The following AKAP11 variants were observed in gnomAD, a reference collection of about 807,000 sequenced individuals.
The protein encoded by AKAP11 is A-kinase anchor protein 11.
Under a neutral mutation model 146.1 loss-of-function variants are expected in AKAP11, and 36 were observed. The observed-to-expected ratio is 0.25, with a 90% CI of 0.19 to 0.33. AKAP11 has a LOEUF of 0.33. AKAP11 is among the 10% of genes least tolerant of loss of function. AKAP11 has a pLI of 1.00. For missense variants in AKAP11, 2,201 were observed against 2,197.0 expected (o/e 1.00, Z -0.04); for synonymous variants, 780 against 786.5 (o/e 0.99, Z 0.14).
chr13:42,297,099 T>G lies in AKAP11; in HGVS notation c.268T>G (p.Phe90Val). The stretch of plus-strand genomic sequence containing the variant: ...TCCAGATATTCTGAATTCACTCCAC[T>G]TCTGCAGTCTAAATGAAAATGAAAT... ...ELPDILNSLH[F>V]CSLNENEIIC... Residue 90 changes from phenylalanine to valine, a missense_variant, in exon 6 of 13, where the codon TTC becomes GTC. By Grantham distance (50) the Phe-to-Val change is conservative. Coordinates refer to ENST00000025301, the MANE Select transcript of AKAP11 (RefSeq NM_016248.4). 6.3e-7 allele frequency: 1 copy of G among 1,590,736 alleles called. No individual in the cohort carries two copies. Among genetic ancestry groups the G allele is most frequent in the Non-Finnish European group, 8.5e-7 (1 of 1,169,702 alleles).
intron 3 of AKAP11, 23 bp from the exon 4 acceptor site, chr13:42,292,362 T>C (rs1566264690): frequency 1.4e-6 from 2 of 1,401,158 alleles, no homozygotes; most frequent in South Asian, 1.4e-5. Context: ...ATTTGAAATA[T>C]CTTTGCTTTC....
At position 42,303,206 on chromosome 13, in the gene AKAP11, C is replaced by G; in HGVS notation, c.4460C>G (p.Ser1487Cys). The change falls in exon 8 of 13, where the codon TCT (serine) becomes TGT (cysteine). Residue 1487 changes from serine (S) to cysteine (C), a missense_variant. By Grantham distance (112) the Ser-to-Cys change is moderately radical. Transcript: ENST00000025301. ...GGCCTACCAAAATCCTTAACAGATT[C>G]TTGCTTGTTTGAAAAATCTGGATAT... The part of the protein sequence containing the change: ...LVGLPKSLTD[S>C]CLFEKSGYEE... 6.2e-7 allele frequency: 1 copy of G among 1,614,134 alleles called. No individual in the cohort carries two copies. The highest frequency in any genetic ancestry group is 8.5e-7 in the Non-Finnish European group (1 of 1,180,032).
intron 1 of AKAP11, among the ~76,000 whole-genome samples, chr13:42,273,911 T>G (rs1315555008): frequency 6.6e-6 from 1 of 152,230 alleles, no homozygotes; most frequent in Non-Finnish European, 1.5e-5. Context: ...GTAGAGGAAT[T>G]CTGTCTATAC....
chr13:42,299,888 G>T lies in AKAP11; in HGVS notation c.1142G>T (p.Gly381Val), dbSNP rs1315579300. ...CTGTTTAACAAAGATCCCGTCATAG[G>T]GAAGTCATCGCAGAGGAAAGGGCAC... ...TCLFNKDPVI[G>V]KSSQRKGHKH... Residue 381 changes from glycine to valine, a missense_variant, in exon 8 of 13, where the codon GGG becomes GTG. Physicochemically the swap from Gly to Val is moderately radical, Grantham distance 109. Coordinates refer to ENST00000025301, the MANE Select transcript of AKAP11 (RefSeq NM_016248.4). The T allele has an allele frequency of 6.2e-7, 1 of 1,613,896 alleles. No individual in the cohort carries two copies. The highest frequency in any genetic ancestry group is 8.5e-7 in the Non-Finnish European group (1 of 1,179,870).
chr13:42,305,957 C>G (rs1165206541), intron 8 of AKAP11, among the ~76,000 whole-genome samples: 1 of 152,140 alleles, frequency 6.6e-6, no homozygotes, highest in Non-Finnish European at 1.5e-5. Flanking sequence ...ACCATCAGCT[C>G]TCATGAGAAC....
chr13:42,289,494 A>T (rs886247736), intron 3 of AKAP11, among the ~76,000 whole-genome samples: 1 of 152,096 alleles, frequency 6.6e-6, no homozygotes, highest in African/African-American at 2.4e-5. Context: ...AAGTTGCTCA[A>T]ATTTTTCCAA....
chr13:42,309,957 G>A (rs1467563412), intron 9 of AKAP11, among the ~76,000 whole-genome samples: 2 of 152,060 alleles, frequency 1.3e-5, no homozygotes, highest in East Asian at 1.9e-4. Flanking sequence ...AAAAGGAGTC[G>A]TCTTACCGGT....
intron 1 of AKAP11, among the ~76,000 whole-genome samples, chr13:42,276,205 A>G (rs1041279162): frequency 3.9e-5 from 6 of 152,026 alleles, no homozygotes; most frequent in Non-Finnish European, 8.8e-5. Context: ...ACCCCAAGTA[A>G]ATCTCTTAAT....
At chr13:42,290,375 T>G (rs982897252) in intron 3 of AKAP11, among the ~76,000 whole-genome samples, 3 of 152,184 alleles carry the variant, frequency 2.0e-5, no homozygotes, top group Non-Finnish European at 2.9e-5. Context: ...GTGGTTAAGG[T>G]AATAACCACC....
intron 1 of AKAP11, among the ~76,000 whole-genome samples, chr13:42,276,039 C>T (rs549688608): frequency 6.6e-6 from 1 of 152,202 alleles, no homozygotes; most frequent in South Asian, 2.1e-4. Context: ...TTCTGACTGC[C>T]ATTTATTTGT....
At chr13:42,306,295 C>G (rs937727069) in intron 8 of AKAP11, among the ~76,000 whole-genome samples, 5 of 152,148 alleles carry the variant, frequency 3.3e-5, no homozygotes, top group African/African-American at 1.2e-4. Flanking sequence ...ACTTTTTACT[C>G]CTCCTCAGTT....
chr13:42,274,334 A>C (rs949974290), intron 1 of AKAP11, among the ~76,000 whole-genome samples: 86 of 152,136 alleles, frequency 5.7e-4, no homozygotes, highest in African/African-American at 2.0e-3. Flanking sequence ...AACAGCCTGG[A>C]AAGATCCAAG....
At position 42,301,914 on chromosome 13, in the gene AKAP11, G is replaced by A. The variant is rs764511096; in HGVS notation, c.3168G>A (p.Glu1056=). The A allele has an allele frequency of 2.9e-5, 47 of 1,613,984 alleles. No homozygotes were observed. The highest frequency in any genetic ancestry group is 5.1e-6 in the Non-Finnish European group (6 of 1,180,008). ...KKHNLNSTSL[E]ALSFGQENPF... is the part of the protein sequence containing the mutation. Reference sequence around the variant, plus strand: ...ATAACTTGAATAGTACATCACTTGAGGCCTTGTCTTTTGGACAGGAAAACC... The same window carrying A: ...ATAACTTGAATAGTACATCACTTGAAGCCTTGTCTTTTGGACAGGAAAACC... The change falls in exon 8 of 13, where the codon GAG becomes GAA. Residue 1056 remains glutamate, a synonymous_variant. Transcript: ENST00000025301.
chr13:42,317,545 A>G lies in AKAP11; in HGVS notation c.5422A>G (p.Lys1808Glu). 1 of 1,613,582 alleles carries G rather than the reference A, an allele frequency of 6.2e-7. No individual in the cohort carries two copies. Among genetic ancestry groups the G allele is most frequent in the South Asian group, 1.1e-5 (1 of 90,930 alleles). ...DEVEGLGQDGKTLLITNIDME... is the reference protein window; with the variant it reads ...DEVEGLGQDGETLLITNIDME... ...AATATTAGGTTTGGGGCAAGATGGA[A>G]AGACACTGCTAATTACGAATATTGA... The change falls in exon 12 of 13, where the codon AAG becomes GAG. Residue 1808 changes from lysine to glutamate, a missense_variant. Transcript: ENST00000025301.
rs1255401398 is a variant in AKAP11, at chr13:42,321,234, T to C, written c.*2006T>C. 6.6e-6 allele frequency: 1 copy of C among 152,390 alleles called. No individual in the cohort carries two copies. The highest frequency in any genetic ancestry group is 6.5e-5 in the Admixed American group (1 of 15,280). 9.4% of individuals were successfully genotyped at this position (152,390 alleles called of 1,614,324 possible). A position where few individuals can be genotyped will look rare whatever the true frequency, so the allele number is the denominator to read the frequency against. On this transcript the variant is annotated 3_prime_UTR_variant, in exon 13 of 13. Coordinates refer to ENST00000025301, the MANE Select transcript of AKAP11 (RefSeq NM_016248.4). ...TTTGATCAACAGCAAAATAGAGTTC[T>C]GAATTTCTTTTAAAGTGATGATATA...
chr13:42,273,307 A>C (rs949891311), intron 1 of AKAP11, among the ~76,000 whole-genome samples: 5 of 152,160 alleles, frequency 3.3e-5, no homozygotes, highest in African/African-American at 1.2e-4. Context: ...TTAGGATGGC[A>C]GCCCAGTGCC....
chr13:42,294,693 A>C (rs533943430), intron 4 of AKAP11, among the ~76,000 whole-genome samples: 8 of 152,228 alleles, frequency 5.3e-5, no homozygotes, highest in Admixed American at 5.2e-4. Flanking sequence ...GAGCCACTGC[A>C]CCTGGCCAGT....
rs749857653 is a variant in AKAP11, at chr13:42,317,708, A to C, written c.5565+20A>C. The stretch of plus-strand genomic sequence containing the variant: ...ATGCTAGTAAGTACCTACCTTACAG[A>C]GTGTGAGGATACATTTAACAGTATA... On this transcript the variant is annotated intron_variant, in intron 12 of 12. Transcript: ENST00000025301. The C allele has an allele frequency of 7.5e-6, 12 of 1,607,434 alleles. No homozygotes were observed. The East Asian group carries it at 2.5e-4, about 33-fold the overall frequency.
In AKAP11 at chr13:42,321,245, T is replaced by G. The variant is rs1961074367; in HGVS notation, c.*2017T>G. 6.6e-6 allele frequency: 1 copy of G among 152,370 alleles called. No homozygotes were observed. The highest frequency in any genetic ancestry group is 2.4e-5 in the African/African-American group (1 of 41,464). The allele number at this position is 152,370 out of a possible 1,614,324, so 9.4% of individuals were successfully genotyped here. ...GCAAAATAGAGTTCTGAATTTCTTTTAAAGTGATGATATATTATTTTGTGA... is the reference window on the plus strand; with the variant it reads ...GCAAAATAGAGTTCTGAATTTCTTTGAAAGTGATGATATATTATTTTGTGA... On this transcript the variant is annotated 3_prime_UTR_variant, in exon 13 of 13. Coordinates refer to ENST00000025301, the MANE Select transcript of AKAP11 (RefSeq NM_016248.4).
Sources: gnomAD v4.1 joint callset for allele counts (sites outside exome capture counted in the v4.1 genomes callset) on GRCh38, gnomAD v4.1.1 for gene constraint, MANE v1.5 for transcripts, NCBI Gene and HGNC (gene_info 2026-07-23, HGNC 2026-07-21) for gene names.